CDKN2C: variants seen among roughly 807,000 people sequenced by gnomAD.
CDKN2C encodes the protein cyclin-dependent kinase 4 inhibitor C.
A neutral mutation model predicts 11.0 loss-of-function variants in CDKN2C; 5 were observed. The observed-to-expected ratio is 0.45, with a 90% CI of 0.24 to 0.95. CDKN2C has a LOEUF of 0.95. Ranked by LOEUF, CDKN2C falls within the 40% of genes least tolerant of loss-of-function variation. The pLI is 0.21. For missense variants in CDKN2C, 161 were observed against 211.9 expected, an observed-to-expected ratio of 0.76 and a Z score of 1.49; for synonymous variants, 79 against 88.3, an observed-to-expected ratio of 0.89 and a Z score of 0.59.
intron 1 of CDKN2C, 93 bp downstream of exon 1, chr1:50,970,590 T>A: frequency 6.9e-7 from 1 of 1,448,328 alleles, no homozygotes; most frequent in Non-Finnish European, 9.7e-7. Context: ...TTCAGGGACA[T>A]AAAATTTCAC....
At chr1:50,965,564 C>T (rs894256776), upstream of CDKN2C, among the ~76,000 whole-genome samples, 2 of 151,784 alleles carry the variant, frequency 1.3e-5, no homozygotes, top group Admixed American at 6.6e-5. Context: ...GAAAAATTAT[C>T]CAGGCATGGT....
chr1:50,961,014 T>TTTATTTA (rs1645316782), intron 1 of CDKN2C, among the ~76,000 whole-genome samples: 1 of 149,480 alleles, frequency 6.7e-6, no homozygotes, highest in East Asian at 2.0e-4. Context: ...GTCAGTCTAT[T>TTTATTTA]TTTATTTATT....
intron 1 of CDKN2C, among the ~76,000 whole-genome samples, chr1:50,965,228 G>A (rs756774101): frequency 1.3e-5 from 2 of 151,806 alleles, no homozygotes; most frequent in Non-Finnish European, 2.9e-5. Flanking sequence ...GGCCGGGTGC[G>A]GTGGCTCACA....
At chr1:50,969,994 C>T (rs1645370964), upstream of CDKN2C, 5 of 379,608 alleles carry the variant, frequency 1.3e-5, no homozygotes, top group Non-Finnish European at 2.0e-5. This position sits in a 1 kb window ranked among gnomAD's most constrained non-coding sequence, Gnocchi z 6.6. Flanking sequence ...ACACACTCCT[C>T]ACAGAGATCT....
At chr1:50,965,057 T>TATAAG (rs1553155132) in intron 1 of CDKN2C, among the ~76,000 whole-genome samples, 1 of 147,208 alleles carries the variant, frequency 6.8e-6, no homozygotes, top group Non-Finnish European at 1.5e-5. Flanking sequence ...GTCTCAAAAA[T>TATAAG]ATAGATAGAT....
chr1:50,964,963 G>T (rs1341292108), intron 1 of CDKN2C, among the ~76,000 whole-genome samples: 1 of 152,042 alleles, frequency 6.6e-6, no homozygotes, highest in Non-Finnish European at 1.5e-5. Context: ...TGAGGCAGAA[G>T]AATTGCTTGA....
At chr1:50,964,654 T>G (rs554877831) in intron 1 of CDKN2C, among the ~76,000 whole-genome samples, 17 of 152,354 alleles carry the variant, frequency 1.1e-4, no homozygotes, top group African/African-American at 4.1e-4. Flanking sequence ...TCAAATCCTA[T>G]GTCTAGTATT....
upstream of CDKN2C, among the ~76,000 whole-genome samples, chr1:50,966,894 G>C (rs1645349374): frequency 6.6e-6 from 1 of 152,060 alleles, no homozygotes; most frequent in Admixed American, 6.5e-5. Flanking sequence ...AGGAAGAGGT[G>C]GTAGAACATC....
At chr1:50,965,776 A>C (rs1017364767), upstream of CDKN2C, among the ~76,000 whole-genome samples, 2 of 152,136 alleles carry the variant, frequency 1.3e-5, no homozygotes, top group African/African-American at 4.8e-5. Context: ...TATGAAAAAA[A>C]CCACTGAATC....
chr1:50,965,391 A>G (rs1202125150), upstream of CDKN2C, among the ~76,000 whole-genome samples: 2 of 151,382 alleles, frequency 1.3e-5, no homozygotes, highest in Non-Finnish European at 3.0e-5. Context: ...CCAGCTACTC[A>G]GGAGGCTGAG....
At chr1:50,962,031 T>C (rs1269428701) in intron 1 of CDKN2C, among the ~76,000 whole-genome samples, 2 of 152,348 alleles carry the variant, frequency 1.3e-5, no homozygotes, top group African/African-American at 2.4e-5. Context: ...AGCTAGATAA[T>C]AGAACCCTCC....
chr1:50,967,940 A>G (rs1213642310), upstream of CDKN2C: 1 of 152,222 alleles, frequency 6.6e-6, no homozygotes, highest in East Asian at 1.9e-4. Context: ...TAATAGGACT[A>G]TTTCGCAGTT....
upstream of CDKN2C, among the ~76,000 whole-genome samples, chr1:50,966,534 A>G (rs553441093): frequency 6.6e-6 from 1 of 152,320 alleles, no homozygotes; most frequent in South Asian, 2.1e-4. Flanking sequence ...GCCATGTTAG[A>G]ATATAAGCTT....
chr1:50,974,408 A>G lies in CDKN2C; in HGVS notation c.*138A>G, dbSNP rs146645647. 654 of 780,846 alleles carry G rather than the reference A, an allele frequency of 8.4e-4. 4 individuals carry two copies. Among genetic ancestry groups the G allele is most frequent in the Middle Eastern group, 6.9e-3 (18 of 2,600 alleles). 48.4% of individuals were successfully genotyped at this position (780,846 alleles called of 1,614,324 possible). The stretch of plus-strand genomic sequence containing the variant: ...ATTTTCTGAAACTGCATAAGTGAAA[A>G]TCTTACAACAGGCTTATGAATATAT... On this transcript the variant is annotated 3_prime_UTR_variant, in exon 2 of 2. Transcript: ENST00000371761.
At chr1:50,970,528 T>A (rs574275114) in intron 1 of CDKN2C, 31 bp downstream of exon 1, 1 of 1,613,068 alleles carries the variant, frequency 6.2e-7, no homozygotes, top group African/African-American at 1.3e-5. Context: ...GGAAAACAAG[T>A]CAATAATGTT....
At position 50,973,953 on chromosome 1, in the gene CDKN2C, G is replaced by A. The variant is rs142420524; in HGVS notation, c.190G>A (p.Asp64Asn). The A allele has an allele frequency of 3.8e-5, 61 of 1,614,156 alleles. No individual in the cohort carries two copies. Among genetic ancestry groups the A allele is most frequent in the African/African-American group, 2.9e-4 (22 of 75,048 alleles). The change falls in exon 2 of 2, where the codon GAT becomes AAT. Residue 64 changes from aspartate (D) to asparagine (N), a missense_variant. Physicochemically the swap from Asp to Asn is conservative, Grantham distance 23 (BLOSUM62 1). Coordinates refer to ENST00000371761, the MANE Select transcript of CDKN2C (RefSeq NM_078626.3). ...RRLLLRGANP[D>N]LKDRTGFAVI... is the part of the protein sequence containing the mutation. ...ACTGCTACTTAGAGGTGCTAATCCC[G>A]ATTTGAAAGACCGAACTGGTTTCGC...
At chr1:50,969,871 C>G (rs1172657910), upstream of CDKN2C, 1 of 210,254 alleles carries the variant, frequency 4.8e-6, no homozygotes, top group Non-Finnish European at 9.8e-6. This position sits in a 1 kb window ranked among gnomAD's most constrained non-coding sequence, Gnocchi z 6.6. Flanking sequence ...TTCTGCCTCA[C>G]ACGGCTCAAG....
At chr1:50,970,788 G>A (rs1396547134) in intron 1 of CDKN2C, among the ~76,000 whole-genome samples, 1 of 152,104 alleles carries the variant, frequency 6.6e-6, no homozygotes, top group African/African-American at 2.4e-5. Context: ...GTGTAGGGCC[G>A]AGGTTTGTTT....
chr1:50,970,932 T>C lies in CDKN2C; in HGVS notation c.129+435T>C, dbSNP rs72904799. 7.5e-3 allele frequency among the ~76,000 whole-genome samples: 1,140 copies of C among 152,350 alleles called. 22 individuals are homozygous for C. The highest frequency in any genetic ancestry group is 0.026 in the African/African-American group (1,086 of 41,576). Reference sequence around the variant, plus strand: ...CTTTAACGTTAATTTTCTTGACTACTGATGAGGGTGTTTTTCCTTCAAATG... The same window carrying C: ...CTTTAACGTTAATTTTCTTGACTACCGATGAGGGTGTTTTTCCTTCAAATG... On this transcript the variant is annotated intron_variant, in intron 1 of 1. Transcript: ENST00000371761.
Sources: allele counts gnomAD v4.1 joint callset (sites outside exome capture counted in the v4.1 genomes callset), GRCh38; gene constraint gnomAD v4.1.1; non-coding constraint Gnocchi (gnomAD v3.1); transcripts MANE v1.5; gene names NCBI Gene and HGNC (gene_info 2026-07-23, HGNC 2026-07-21).